KLHL28: variants seen among roughly 807,000 people sequenced by gnomAD.
KLHL28 encodes kelch like family member 28, also known as kelch-like protein 28.
A neutral mutation model predicts 48.3 loss-of-function variants in KLHL28; 22 were observed. That is an observed-to-expected ratio of 0.46 (90% confidence interval 0.33 to 0.65). The LOEUF is 0.65. Ranked by LOEUF, KLHL28 falls within the 30% of genes least tolerant of loss-of-function variation. KLHL28 has a pLI of 0.03. For synonymous variants in KLHL28, 243 were observed against 242.4 expected, an observed-to-expected ratio of 1.00 and a Z score of -0.02; for missense variants, 527 against 704.3, an observed-to-expected ratio of 0.75 and a Z score of 2.85.
chr14:44,945,587 T>A lies in KLHL28; in HGVS notation c.342A>T (p.Leu114=), dbSNP rs138105043. 5.0e-6 allele frequency: 8 copies of A among 1,614,042 alleles called. No individual in the cohort carries two copies. The highest frequency in any genetic ancestry group is 6.8e-6 in the Non-Finnish European group (8 of 1,179,996). Residue 114 remains leucine, a synonymous_variant, in exon 2 of 5, where the codon CTA becomes CTT. Transcript: ENST00000396128. ...TVESLLPAAN[L]LQIKLVLKEC... is the part of the protein sequence containing the mutation. ...CTTTCAGGACAAGTTTTATCTGGAG[T>A]AGGTTTGCTGCTGGCAGGAGAGATT...
At chr14:44,958,587 T>C (rs1383723709) in intron 1 of KLHL28, among the ~76,000 whole-genome samples, 1 of 152,142 alleles carries the variant, frequency 6.6e-6, no homozygotes, top group African/African-American at 2.4e-5. Flanking sequence ...GTTAGGATAT[T>C]TTCCTTTTAT....
chr14:44,935,874 G>GTA (rs1241121406), intron 2 of KLHL28, among the ~76,000 whole-genome samples: 11 of 22,342 alleles, frequency 4.9e-4, no homozygotes, highest in African/African-American at 9.3e-4. Flanking sequence ...GTATGTGTAT[G>GTA]TATATATATA....
intron 1 of KLHL28, among the ~76,000 whole-genome samples, chr14:44,948,266 G>T (rs1884420006): frequency 6.6e-6 from 1 of 152,060 alleles, no homozygotes; most frequent in Non-Finnish European, 1.5e-5. Flanking sequence ...TGTAGCTGAG[G>T]TTTTTGAGGA....
Position 44,947,217 on chromosome 14 carries a change from A to G in KLHL28, c.1-1289T>C, listed in dbSNP as rs568964998. Among the ~76,000 whole-genome samples the G allele has an allele frequency of 6.6e-5, 10 of 152,326 alleles. No individual in the cohort carries two copies. The East Asian group carries it at 1.5e-3, about 24-fold the overall frequency. The stretch of plus-strand genomic sequence containing the variant: ...AGACAGAAGAGGAGGTCATGTGACT[A>G]AAGAGGCAGAGACTAGAGTGCTGCA... On this transcript the variant is annotated intron_variant, in intron 1 of 4. Coordinates refer to ENST00000396128, the MANE Select transcript of KLHL28 (RefSeq NM_017658.5).
intron 1 of KLHL28, among the ~76,000 whole-genome samples, chr14:44,958,824 T>C (rs1884912253): frequency 6.6e-6 from 1 of 152,078 alleles, no homozygotes; most frequent in East Asian, 1.9e-4. Flanking sequence ...GTAATACAAG[T>C]TGGATTTTTG....
chr14:44,960,385 T>C (rs928196645), intron 1 of KLHL28, among the ~76,000 whole-genome samples: 10 of 152,356 alleles, frequency 6.6e-5, no homozygotes, highest in Admixed American at 5.9e-4. Context: ...GGCACTGTAA[T>C]GTGTACATCA....
In KLHL28 at chr14:44,951,015, C is replaced by T. The variant is rs538387292; in HGVS notation, c.1-5087G>A. 5.4e-4 allele frequency among the ~76,000 whole-genome samples: 83 copies of T among 152,332 alleles called. 1 individual carries two copies. In the South Asian group the frequency reaches 0.017, roughly 31 times the overall value. The stretch of plus-strand genomic sequence containing the variant: ...CTTATTAGATTTAGATAGTTTATTA[C>T]TTACAGATTGAAAAGAAGATTAGCC... On this transcript the variant is annotated intron_variant, in intron 1 of 4. Coordinates refer to ENST00000396128, the MANE Select transcript of KLHL28 (RefSeq NM_017658.5).
At chr14:44,944,335 T>C (rs1456395329) in intron 2 of KLHL28, among the ~76,000 whole-genome samples, 2 of 152,248 alleles carry the variant, frequency 1.3e-5, no homozygotes, top group Non-Finnish European at 2.9e-5. Context: ...TTCACTTATG[T>C]ATTATCTATG....
chr14:44,931,516 C>G lies in KLHL28; in HGVS notation c.1369G>C (p.Asp457His). ...ATGGATGCAACCATCTCCCAGGAGT[C>G]CTTACTTGGATCATAACGCTCCACA... Reference protein sequence around the residue: ...NSVERYDPSKDSWEMVASMAD... With the variant: ...NSVERYDPSKHSWEMVASMAD... Residue 457 changes from aspartate (D) to histidine (H), a missense_variant, in exon 4 of 5, where the codon GAC becomes CAC. Transcript: ENST00000396128. 1 of 1,613,434 alleles carries G rather than the reference C, an allele frequency of 6.2e-7. No individual in the cohort carries two copies. Among genetic ancestry groups the G allele is most frequent in the Non-Finnish European group, 8.5e-7 (1 of 1,179,546 alleles).
Position 44,931,404 on chromosome 14 carries a change from G to C in KLHL28, c.1481C>G (p.Ser494Cys), listed in dbSNP as rs1339405000. 6.2e-7 allele frequency: 1 copy of C among 1,613,842 alleles called. No individual in the cohort carries two copies. Among genetic ancestry groups the C allele is most frequent in the South Asian group, 1.1e-5 (1 of 91,066 alleles). The change falls in exon 4 of 5, where the codon TCC (serine) becomes TGC (cysteine). Residue 494 changes from serine (S) to cysteine (C), a missense_variant. Transcript: ENST00000396128. ...ATGAGGATCGTATCTTTCAATGCTG[G>C]ACAAATGTGAGACTCCATTATGTCC... The part of the protein sequence containing the change: ...VGGHNGVSHL[S>C]SIERYDPHQN...
At position 44,928,843 on chromosome 14, in the gene KLHL28, C is replaced by A; in HGVS notation, c.*185G>T. 2 of 418,236 alleles carry A rather than the reference C, an allele frequency of 4.8e-6. No homozygotes were observed. The highest frequency in any genetic ancestry group is 8.5e-6 in the Non-Finnish European group (2 of 236,588). The allele number at this position is 418,236 out of a possible 1,614,324, so 25.9% of individuals were successfully genotyped here. A position where few individuals can be genotyped will look rare whatever the true frequency, so the allele number is the denominator to read the frequency against. On this transcript the variant is annotated 3_prime_UTR_variant, in exon 5 of 5. Transcript: ENST00000396128. ...TTTTTTCTTTTTGATTATTGATTTA[C>A]TGTGTAATCAAGAGCAACCAAAACT...
At chr14:44,947,493 G>A (rs1190891245) in intron 1 of KLHL28, among the ~76,000 whole-genome samples, 1 of 152,172 alleles carries the variant, frequency 6.6e-6, no homozygotes, top group East Asian at 1.9e-4. Context: ...TGTAGCAGCT[G>A]CTTAGAGTAG....
rs374030406 is a variant in KLHL28 at position 44,945,121 on chromosome 14, G to C, written c.808C>G (p.His270Asp). The C allele has an allele frequency of 1.7e-5, 28 of 1,613,412 alleles. No individual in the cohort carries two copies. The highest frequency in any genetic ancestry group is 2.4e-5 in the Non-Finnish European group (28 of 1,179,458). ...YHFMPEHRLS[H>D]QTVLMTRPRC... Reference sequence around the variant, plus strand: ...GGTCGTGTCATCAAGACTGTCTGATGAGAGAGTCTATGTTCAGGCATAAAG... The same window carrying C: ...GGTCGTGTCATCAAGACTGTCTGATCAGAGAGTCTATGTTCAGGCATAAAG... The change falls in exon 2 of 5, where the codon CAT becomes GAT. Residue 270 changes from histidine to aspartate, a missense_variant. His to Asp is a moderately conservative substitution (Grantham distance 81). Coordinates refer to ENST00000396128, the MANE Select transcript of KLHL28 (RefSeq NM_017658.5).
chr14:44,955,605 G>A (rs962141720), intron 1 of KLHL28, among the ~76,000 whole-genome samples: 11 of 152,028 alleles, frequency 7.2e-5, no homozygotes, highest in Admixed American at 2.0e-4. Flanking sequence ...GTGAAATTCC[G>A]TCTCTACAAA....
At chr14:44,946,242 C>A (rs972169424) in intron 1 of KLHL28, among the ~76,000 whole-genome samples, 1 of 152,092 alleles carries the variant, frequency 6.6e-6, no homozygotes, top group Non-Finnish European at 1.5e-5. Flanking sequence ...TTTTGTTTCC[C>A]CTGCATTAAA....
intron 1 of KLHL28, among the ~76,000 whole-genome samples, chr14:44,957,880 G>T (rs2138673849): frequency 6.6e-6 from 1 of 152,076 alleles, no homozygotes; most frequent in South Asian, 2.1e-4. Context: ...AATTAAAAAT[G>T]TGCAGAATGG....
intron 4 of KLHL28, among the ~76,000 whole-genome samples, chr14:44,929,420 A>G (rs1004075671): frequency 2.0e-5 from 3 of 152,206 alleles, no homozygotes; most frequent in Admixed American, 6.5e-5. Flanking sequence ...ACTGTACAGT[A>G]AGATATTTTG....
At chr14:44,938,029 T>C (rs72672907) in intron 2 of KLHL28, among the ~76,000 whole-genome samples, 7,676 of 152,266 alleles carry the variant, frequency 0.05, 261 homozygotes, top group Non-Finnish European at 0.075. Context: ...TTTCAAACCA[T>C]AGAATTTTGC....
chr14:44,939,467 C>T (rs1026060692), intron 2 of KLHL28, among the ~76,000 whole-genome samples: 1 of 152,190 alleles, frequency 6.6e-6, no homozygotes, highest in Non-Finnish European at 1.5e-5. Flanking sequence ...GTTCCGCTTA[C>T]CATTTAATTA....
Sources: gnomAD v4.1 joint callset for allele counts (sites outside exome capture counted in the v4.1 genomes callset) on GRCh38, gnomAD v4.1.1 for gene constraint, MANE v1.5 for transcripts, NCBI Gene and HGNC (gene_info 2026-07-23, HGNC 2026-07-21) for gene names.